The following FLNC variants were observed in gnomAD, a reference collection of about 807,000 sequenced individuals.
The protein encoded by FLNC is filamin C, also known as filamin-C.
A neutral mutation model predicts 254.3 loss-of-function variants in FLNC; 91 were observed. The observed-to-expected ratio is 0.36, with a 90% CI of 0.30 to 0.43. FLNC has a LOEUF of 0.43. Among genes scored for constraint, FLNC ranks in the 20% least tolerant of loss-of-function variants. The probability of loss-of-function intolerance (pLI) is 1.00; values close to 1 mark genes in which losing one functional copy is unlikely to be tolerated. For synonymous variants in FLNC, 1,430 were observed against 1,577.2 expected (o/e 0.91, Z 2.21); for missense variants, 2,853 against 3,802.6 (o/e 0.75, Z 6.57).
chr7:128,841,492 C>T lies in FLNC; in HGVS notation c.2046C>T (p.Cys682=), dbSNP rs781009072. The change falls in exon 13 of 48, where the codon TGC becomes TGT. Residue 682 remains cysteine, a synonymous_variant. Coordinates refer to ENST00000325888, the MANE Select transcript of FLNC (RefSeq NM_001458.5). The surrounding 1 kb of genome is among the most constrained non-coding windows in gnomAD (Gnocchi z 4.3). ...AFGPGLEPTG[C]IVDKPAEFTI... is the part of the protein sequence containing the mutation. ...GGCCTGGCCTGGAGCCTACCGGCTGCATCGTGGACAAGCCCGCTGAGTTCA... is the reference window on the plus strand; with the variant it reads ...GGCCTGGCCTGGAGCCTACCGGCTGTATCGTGGACAAGCCCGCTGAGTTCA... 1.9e-6 allele frequency: 3 copies of T among 1,614,170 alleles called. No homozygotes were observed. Among genetic ancestry groups the T allele is most frequent in the East Asian group, 2.2e-5 (1 of 44,886 alleles).
At chr7:128,838,489 G>A in intron 7 of FLNC, 60 bp downstream of exon 7, 2 of 1,602,642 alleles carry the variant, frequency 1.2e-6, no homozygotes, top group Non-Finnish European at 1.7e-6. Context: ...GCTGTGTGGG[G>A]GTGGGGGGAG....
Position 128,852,980 on chromosome 7 carries a change from G to A in FLNC, c.6157G>A (p.Glu2053Lys), listed in dbSNP as rs761922251. ...GCGGGTCTGGGGCAAGGGGCTTTCC[G>A]AGGGACACACATTCCAGGTGGCAGA... is the stretch of plus-strand genomic sequence containing the variant. ...KVRVWGKGLS[E>K]GHTFQVAEFI... The change falls in exon 37 of 48, where the codon GAG (glutamate) becomes AAG (lysine). Residue 2053 changes from glutamate to lysine, a missense_variant. Glu to Lys is a moderately conservative substitution (Grantham distance 56). This residue lies in a region of FLNC where 551 missense variants were observed against 835.0 expected (regional missense o/e 0.66). Transcript: ENST00000325888. 2.0e-5 allele frequency: 32 copies of A among 1,613,348 alleles called. No homozygotes were observed. Among genetic ancestry groups the A allele is most frequent in the Non-Finnish European group, 2.3e-5 (27 of 1,180,024 alleles).
intron 1 of FLNC, among the ~76,000 whole-genome samples, chr7:128,834,484 G>A (rs1386455251): frequency 1.9e-4 from 7 of 37,692 alleles, no homozygotes; most frequent in Admixed American, 1.2e-3. Context: ...ACCCACCCCT[G>A]CCCCACTATC....
intron 37 of FLNC, 76 bp from the exon 38 acceptor site, chr7:128,853,393 G>A (rs1808907709): frequency 4.4e-5 from 70 of 1,573,480 alleles, no homozygotes; most frequent in Non-Finnish European, 5.7e-5. Context: ...GGTGGAGCCT[G>A]CAGTCTGGGG....
At position 128,838,278 on chromosome 7, in the gene FLNC, C is replaced by G. The variant is rs760418462; in HGVS notation, c.1059C>G (p.Leu353=). 13 of 1,613,950 alleles carry G rather than the reference C, an allele frequency of 8.1e-6. No individual in the cohort carries two copies. The highest frequency in any genetic ancestry group is 2.2e-5 in the East Asian group (1 of 44,894). The change falls in exon 7 of 48, where the codon CTC becomes CTG. Residue 353 remains leucine, a synonymous_variant. Transcript: ENST00000325888. ...CCTCTGACCCCTAGGTGACCGTGCT[C>G]TTTGCTGGCCAGAACATTGAACGCA... ...KVAGLHKVTV[L]FAGQNIERSP...
rs1449194746 is a variant in FLNC, at chr7:128,849,590, A to T, written c.5199+12A>T. Reference sequence around the variant, plus strand: ...CCTTCCACGTGCTGGTAAGTTCTGTAGCCACAGCAAGACTAGATGGCTGGG... The same window carrying T: ...CCTTCCACGTGCTGGTAAGTTCTGTTGCCACAGCAAGACTAGATGGCTGGG... On this transcript the variant is annotated intron_variant, in intron 30 of 47. Coordinates refer to ENST00000325888, the MANE Select transcript of FLNC (RefSeq NM_001458.5). 1 of 1,613,266 alleles carries T rather than the reference A, an allele frequency of 6.2e-7. No homozygotes were observed. The highest frequency in any genetic ancestry group is 8.5e-7 in the Non-Finnish European group (1 of 1,179,596).
rs1407725736 is a variant in FLNC, at chr7:128,844,985, G to A, written c.3520G>A (p.Ala1174Thr). Residue 1174 changes from alanine to threonine, a missense_variant, in exon 21 of 48, where the codon GCC (alanine) becomes ACC (threonine). This residue lies in a region of FLNC where 1,573 missense variants were observed against 1,883.5 expected (regional missense o/e 0.84). Transcript: ENST00000325888. ...GGAGCGCGGCAAGGTCGGTGAGGCA[G>A]CCACCTTCACTGTGGACTGCTCAGA... ...GLERGKVGEA[A>T]TFTVDCSEAG... is the part of the protein sequence containing the mutation. The A allele has an allele frequency of 2.5e-6, 4 of 1,613,642 alleles. No individual in the cohort carries two copies. The highest frequency in any genetic ancestry group is 2.5e-6 in the Non-Finnish European group (3 of 1,180,006).
In FLNC at chr7:128,841,891, A is replaced by G. The variant is rs139261792; in HGVS notation, c.2121+324A>G. 2.8e-3 allele frequency among the ~76,000 whole-genome samples: 423 copies of G among 152,366 alleles called. 5 individuals are homozygous for G. Among genetic ancestry groups the G allele is most frequent in the African/African-American group, 9.7e-3 (402 of 41,578 alleles). On this transcript the variant is annotated intron_variant, in intron 13 of 47. Coordinates refer to ENST00000325888, the MANE Select transcript of FLNC (RefSeq NM_001458.5). The surrounding 1 kb of genome is among the most constrained non-coding windows in gnomAD (Gnocchi z 4.3). ...CATTGACCCCTAGAGGTTAATGAAC[A>G]TATTCTTGAGGATCTAAGAGGGTGA...
In FLNC at chr7:128,841,018, C is replaced by G; in HGVS notation, c.1813+48C>G. 6.4e-7 allele frequency: 1 copy of G among 1,572,908 alleles called. No individual in the cohort carries two copies. The highest frequency in any genetic ancestry group is 1.4e-5 in the African/African-American group (1 of 74,060). ...GAGGGAGTGCTGCGGGGGAGGGCAGCAGGGGACACTGTGGGTAATGGGTGC... is the reference window on the plus strand; with the variant it reads ...GAGGGAGTGCTGCGGGGGAGGGCAGGAGGGGACACTGTGGGTAATGGGTGC... On this transcript the variant is annotated intron_variant, in intron 11 of 47. Coordinates refer to ENST00000325888, the MANE Select transcript of FLNC (RefSeq NM_001458.5). The surrounding 1 kb of genome is among the most constrained non-coding windows in gnomAD (Gnocchi z 4.3).
chr7:128,848,609 G>A lies in FLNC; in HGVS notation c.4629G>A (p.Arg1543=). The A allele has an allele frequency of 1.2e-6, 2 of 1,613,848 alleles. No homozygotes were observed. The highest frequency in any genetic ancestry group is 1.7e-6 in the Non-Finnish European group (2 of 1,180,012). ...CAGCTCATGATGCCAGCAAGGTGCGGGCCAGCGGCCCAGGCCTCAACGCCT... is the reference window on the plus strand; with the variant it reads ...CAGCTCATGATGCCAGCAAGGTGCGAGCCAGCGGCCCAGGCCTCAACGCCT... ...VLPAHDASKV[R]ASGPGLNASG... is the part of the protein sequence containing the mutation. Residue 1543 remains arginine, a synonymous_variant, in exon 27 of 48, where the codon CGG becomes CGA. Coordinates refer to ENST00000325888, the MANE Select transcript of FLNC (RefSeq NM_001458.5).
Position 128,846,170 on chromosome 7 carries a change from G to T in FLNC, c.3964+7G>T. ...TACACCGCCTACGAGGAGGGTGAGG[G>T]CCGGTGGGCCAGGCTAGTGGGCAGG... On this transcript the variant is annotated splice_region_variant and intron_variant, in intron 22 of 47. Transcript: ENST00000325888. 1.9e-6 allele frequency: 3 copies of T among 1,585,646 alleles called. No individual in the cohort carries two copies. Among genetic ancestry groups the T allele is most frequent in the Non-Finnish European group, 2.6e-6 (3 of 1,165,986 alleles).
At chr7:128,847,650 G>A in intron 24 of FLNC, 47 bp from the exon 25 acceptor site, 1 of 1,607,306 alleles carries the variant, frequency 6.2e-7, no homozygotes, top group South Asian at 1.1e-5. Context: ...GCATCAGGGG[G>A]ACCCATCAGG....
At chr7:128,838,558 G>A (rs368219607) in intron 7 of FLNC, 45 bp from the exon 8 acceptor site, 52 of 1,610,170 alleles carry the variant, frequency 3.2e-5, no homozygotes, top group Non-Finnish European at 3.9e-5. Flanking sequence ...CACCGGGGCA[G>A]CTGTGTGTGT....
rs1259241248 is a variant in FLNC, at chr7:128,845,033, A to G, written c.3568A>G (p.Ile1190Val). The stretch of plus-strand genomic sequence containing the variant: ...AGAGGCAGGCGAGGCGGAGCTGACC[A>G]TTGAGATCCTGTCGGATGCCGGGGT... ...CSEAGEAELT[I>V]EILSDAGVKA... Residue 1190 changes from isoleucine (I) to valine (V), a missense_variant, in exon 21 of 48, where the codon ATT becomes GTT. By Grantham distance (29) the Ile-to-Val change is conservative. Around this residue, in one of 10 missense-constraint regions of FLNC, gnomAD observed 1,573 missense variants for 1,883.5 expected, o/e 0.84. Transcript: ENST00000325888. 11 of 1,613,806 alleles carry G rather than the reference A, an allele frequency of 6.8e-6. No individual in the cohort carries two copies. The highest frequency in any genetic ancestry group is 9.3e-6 in the Non-Finnish European group (11 of 1,180,040).
At chr7:128,839,975 GTC>G in intron 8 of FLNC, 46 bp from the exon 9 acceptor site, 2 of 1,602,964 alleles carry the variant, frequency 1.2e-6, no homozygotes, top group Non-Finnish European at 8.5e-7. Context: ...GGGGCTAGTG[GTC>G]CAAGGCCCCT....
At chr7:128,834,310 C>T (rs1380245055) in intron 1 of FLNC, among the ~76,000 whole-genome samples, 3 of 134,000 alleles carry the variant, frequency 2.2e-5, no homozygotes, top group African/African-American at 6.2e-5. Flanking sequence ...GGGATCTAGG[C>T]GCCCCCCCCC....
At chr7:128,855,568 C>G (rs2128939866) in intron 43 of FLNC, among the ~76,000 whole-genome samples, 1 of 152,328 alleles carries the variant, frequency 6.6e-6, no homozygotes, top group African/African-American at 2.4e-5. Flanking sequence ...CTGCCACCTG[C>G]CATTTCTTGT....
rs1808113819 is a variant in FLNC at position 128,836,933 on chromosome 7, G to C, written c.602-227G>C. 6.6e-6 allele frequency among the ~76,000 whole-genome samples: 1 copy of C among 152,238 alleles called. No homozygotes were observed. The highest frequency in any genetic ancestry group is 1.5e-5 in the Non-Finnish European group (1 of 68,044). ...GCAGGGCTGGTGCCAGGCTGCGTCAGCCAGGGCAGAAAGGCTTCATTGTTG... is the reference window on the plus strand; with the variant it reads ...GCAGGGCTGGTGCCAGGCTGCGTCACCCAGGGCAGAAAGGCTTCATTGTTG... On this transcript the variant is annotated intron_variant, in intron 2 of 47. Coordinates refer to ENST00000325888, the MANE Select transcript of FLNC (RefSeq NM_001458.5). The surrounding 1 kb of genome is among the most constrained non-coding windows in gnomAD (Gnocchi z 6.0).
chr7:128,845,001 A>T lies in FLNC; in HGVS notation c.3536A>T (p.Asp1179Val). Residue 1179 changes from aspartate (D) to valine (V), a missense_variant, in exon 21 of 48, where the codon GAC becomes GTC. By Grantham distance (152) the Asp-to-Val change is radical (BLOSUM62 -3). Around this residue, in one of 10 missense-constraint regions of FLNC, gnomAD observed 1,573 missense variants for 1,883.5 expected, o/e 0.84. Coordinates refer to ENST00000325888, the MANE Select transcript of FLNC (RefSeq NM_001458.5). ...GGTGAGGCAGCCACCTTCACTGTGG[A>T]CTGCTCAGAGGCAGGCGAGGCGGAG... The part of the protein sequence containing the change: ...KVGEAATFTV[D>V]CSEAGEAELT... 1 of 1,613,792 alleles carries T rather than the reference A, an allele frequency of 6.2e-7. No individual in the cohort carries two copies. The highest frequency in any genetic ancestry group is 8.5e-7 in the Non-Finnish European group (1 of 1,179,988).
Sources: allele counts gnomAD v4.1 joint callset (sites outside exome capture counted in the v4.1 genomes callset), GRCh38; gene constraint gnomAD v4.1.1; regional missense constraint gnomAD v4.1.1; non-coding constraint Gnocchi (gnomAD v3.1); transcripts MANE v1.5; gene names NCBI Gene and HGNC (gene_info 2026-07-23, HGNC 2026-07-21).